PRKN: variants seen among roughly 807,000 people sequenced by gnomAD.
PRKN encodes parkin RBR E3 ubiquitin protein ligase.
In PRKN, 56 loss-of-function variants were observed where a neutral mutation model predicts 59.5. The ratio of observed to expected loss-of-function variants is 0.94; its 90% CI spans 0.76 to 1.18. PRKN has a LOEUF of 1.18. PRKN is among the 50% of genes most tolerant of loss of function. The pLI is 0.00. For synonymous variants in PRKN, 250 were observed against 222.1 expected (o/e 1.13, Z -1.12); for missense variants, 657 against 596.4 (o/e 1.10, Z -1.06).
chr6:161,879,761 G>A (rs959174107), intron 6 of PRKN, among the ~76,000 whole-genome samples: 1 of 152,014 alleles, frequency 6.6e-6, no homozygotes, highest in Non-Finnish European at 1.5e-5. Flanking sequence ...GAAACTTATC[G>A]TTATAGAGTC....
At position 161,442,807 on chromosome 6, in the gene PRKN, T is replaced by C. The variant is rs1374312594; in HGVS notation, c.1084-55930A>G. On this transcript the variant is annotated intron_variant, in intron 9 of 11. Transcript: ENST00000366898. This position sits in a 1 kb window ranked among gnomAD's most constrained non-coding sequence, Gnocchi z 4.6. ...GCCAGGAAGCAAAAGAGAGGTTCTCTTCCCTTTCATTTTGGACATCGTAAC... is the reference window on the plus strand; with the variant it reads ...GCCAGGAAGCAAAAGAGAGGTTCTCCTCCCTTTCATTTTGGACATCGTAAC... Among the ~76,000 whole-genome samples, 2 of 152,224 alleles carry C rather than the reference T, an allele frequency of 1.3e-5. No homozygotes were observed. Among genetic ancestry groups the C allele is most frequent in the East Asian group, 1.9e-4 (1 of 5,196 alleles).
chr6:161,391,490 T>C lies in PRKN; in HGVS notation c.1084-4613A>G, dbSNP rs1185302148. 4.1e-5 allele frequency among the ~76,000 whole-genome samples: 6 copies of C among 147,700 alleles called. No individual in the cohort carries two copies. Among genetic ancestry groups the C allele is most frequent in the African/African-American group, 1.5e-4 (6 of 40,534 alleles). On this transcript the variant is annotated intron_variant, in intron 9 of 11. Transcript: ENST00000366898. This position sits in a 1 kb window ranked among gnomAD's most constrained non-coding sequence, Gnocchi z 4.9. ...CTTTAAACAATCATAAAATAATACATACTTATTTCATTGGCTCTCTAAAGT... is the reference window on the plus strand; with the variant it reads ...CTTTAAACAATCATAAAATAATACACACTTATTTCATTGGCTCTCTAAAGT...
rs938904918 is a variant in PRKN at position 162,158,673 on chromosome 6, C to T, written c.534+42458G>A. On this transcript the variant is annotated intron_variant, in intron 4 of 11. Transcript: ENST00000366898. ...CTTGAACTCCTGGCCTGAAATGATC[C>T]GCCCGCCTTGGCCTTCCAAAGGGCT... 3.3e-5 allele frequency among the ~76,000 whole-genome samples: 5 copies of T among 151,882 alleles called. 1 individual carries two copies. The highest frequency in any genetic ancestry group is 1.9e-4 in the East Asian group (1 of 5,166).
intron 7 of PRKN, among the ~76,000 whole-genome samples, chr6:161,683,509 C>T (rs184745000): frequency 1.3e-5 from 2 of 152,332 alleles, no homozygotes; most frequent in African/African-American, 2.4e-5. Context: ...CAATCCCTTT[C>T]CTCTCCCCTC....
Position 162,322,170 on chromosome 6 carries a change from T to A in PRKN, c.172-59405A>T, listed in dbSNP as rs187939972. Among the ~76,000 whole-genome samples the A allele has an allele frequency of 3.6e-4, 54 of 151,498 alleles. 1 individual carries two copies. Among genetic ancestry groups the A allele is most frequent in the Admixed American group, 3.4e-3 (52 of 15,132 alleles). On this transcript the variant is annotated intron_variant, in intron 2 of 11. Coordinates refer to ENST00000366898, the MANE Select transcript of PRKN (RefSeq NM_004562.3). ...GGTTATAAAGTCAATATACAAAATATCTAAAATTGGAATTAAGAAACACCA... is the reference window on the plus strand; with the variant it reads ...GGTTATAAAGTCAATATACAAAATAACTAAAATTGGAATTAAGAAACACCA...
intron 6 of PRKN, among the ~76,000 whole-genome samples, chr6:161,914,415 C>A (rs1010312070): frequency 2.0e-5 from 3 of 152,224 alleles, no homozygotes; most frequent in Non-Finnish European, 2.9e-5. Flanking sequence ...ACATTGGGAG[C>A]TATTCATGGT....
chr6:161,930,533 C>T (rs1779133375), intron 6 of PRKN, among the ~76,000 whole-genome samples: 1 of 152,172 alleles, frequency 6.6e-6, no homozygotes, highest in Admixed American at 6.5e-5. Context: ...GGCTGAGTAC[C>T]TCGTTGTAAT....
At chr6:162,565,288 C>T (rs9458600) in intron 1 of PRKN, among the ~76,000 whole-genome samples, 33,940 of 151,990 alleles carry the variant, frequency 0.22, 4,557 homozygotes, top group African/African-American at 0.37. Context: ...GAGAAAATCA[C>T]CTCTGCTAGA....
intron 6 of PRKN, among the ~76,000 whole-genome samples, chr6:161,875,827 T>C (rs1022394823): frequency 4.6e-5 from 7 of 152,234 alleles, no homozygotes; most frequent in South Asian, 2.1e-4. Context: ...CTCGAACTCA[T>C]GTCCTATGAT....
intron 1 of PRKN, among the ~76,000 whole-genome samples, chr6:162,602,951 T>TG: frequency 6.6e-6 from 1 of 152,242 alleles, no homozygotes; most frequent in African/African-American, 2.4e-5. Flanking sequence ...CCTCTCCGCC[T>TG]GGGGTTCTTG....
At chr6:161,823,101 A>ATTT (rs543383314) in intron 6 of PRKN, among the ~76,000 whole-genome samples, 5 of 138,878 alleles carry the variant, frequency 3.6e-5, no homozygotes, top group South Asian at 2.3e-4. Context: ...TGCCAGGCTA[A>ATTT]TTTTTTTTTT....
chr6:161,867,950 G>A (rs193223398), intron 6 of PRKN, among the ~76,000 whole-genome samples: 435 of 151,676 alleles, frequency 2.9e-3, no homozygotes, highest in Non-Finnish European at 4.3e-3. Flanking sequence ...TAGTAGAGAC[G>A]AGGTTTCTCC....
chr6:162,627,972 T>A (rs780030447), intron 1 of PRKN, among the ~76,000 whole-genome samples: 11 of 151,982 alleles, frequency 7.2e-5, no homozygotes, highest in Non-Finnish European at 1.6e-4. Context: ...TCGGTATCAC[T>A]CGAGTGATAG....
At chr6:162,621,945 G>T (rs1400934667) in intron 1 of PRKN, among the ~76,000 whole-genome samples, 1 of 152,090 alleles carries the variant, frequency 6.6e-6, no homozygotes, top group Non-Finnish European at 1.5e-5. Flanking sequence ...CTTCCAAGGA[G>T]CTGGGACTAC....
chr6:161,695,292 A>G (rs1343141044), intron 7 of PRKN, among the ~76,000 whole-genome samples: 2 of 152,224 alleles, frequency 1.3e-5, no homozygotes, highest in African/African-American at 4.8e-5. Flanking sequence ...ATTGTTTTCA[A>G]CTACCTGAAA....
chr6:161,682,747 C>T (rs143456214), intron 7 of PRKN, among the ~76,000 whole-genome samples: 7 of 152,246 alleles, frequency 4.6e-5, no homozygotes, highest in South Asian at 4.2e-4. Context: ...CTCTGCAAGA[C>T]GCGAGGCCTG....
chr6:162,252,633 T>C (rs987839502), intron 3 of PRKN, among the ~76,000 whole-genome samples: 2 of 152,164 alleles, frequency 1.3e-5, no homozygotes, highest in Non-Finnish European at 1.5e-5. Flanking sequence ...CCCTCCACCA[T>C]GAGAGGGCAC....
intron 6 of PRKN, among the ~76,000 whole-genome samples, chr6:161,809,712 C>T (rs1363545678): frequency 6.6e-6 from 1 of 151,692 alleles, no homozygotes; most frequent in Non-Finnish European, 1.5e-5. Flanking sequence ...TAAATTTTTC[C>T]TTGACAAATG....
intron 6 of PRKN, among the ~76,000 whole-genome samples, chr6:161,931,081 T>A (rs1413755015): frequency 1.3e-5 from 2 of 152,150 alleles, no homozygotes; most frequent in African/African-American, 4.8e-5. Context: ...GCTGAAAAAA[T>A]ATATATAATA....
Sources: gnomAD v4.1 joint callset for allele counts (sites outside exome capture counted in the v4.1 genomes callset) on GRCh38, gnomAD v4.1.1 for gene constraint, Gnocchi (gnomAD v3.1) non-coding constraint, MANE v1.5 for transcripts, NCBI Gene and HGNC (gene_info 2026-07-23, HGNC 2026-07-21) for gene names.